GPC5: variants seen among roughly 807,000 people sequenced by gnomAD.
The protein encoded by GPC5 is glypican-5.
In GPC5, 47 loss-of-function variants were observed where a neutral mutation model predicts 53.9. The observed-to-expected ratio is 0.87, with a 90% CI of 0.69 to 1.11. GPC5 has a LOEUF of 1.11. Ranked by LOEUF, GPC5 falls within the 50% of genes most tolerant of loss-of-function variation. GPC5 has a pLI of 0.00. For missense variants in GPC5, 748 were observed against 713.1 expected (o/e 1.05, Z -0.56); for synonymous variants, 286 against 263.3 (o/e 1.09, Z -0.84).
intron 2 of GPC5, among the ~76,000 whole-genome samples, chr13:91,634,941 C>G (rs2034250203): frequency 6.6e-6 from 1 of 152,096 alleles, no homozygotes; most frequent in African/African-American, 2.4e-5. Flanking sequence ...GACTCTTTAA[C>G]TACTTGTTCT....
intron 7 of GPC5, among the ~76,000 whole-genome samples, chr13:92,150,716 A>T (rs1469236321): frequency 6.6e-6 from 1 of 152,024 alleles, no homozygotes; most frequent in Non-Finnish European, 1.5e-5. Context: ...GTGAAGAGGG[A>T]TGACTTATTA....
intron 2 of GPC5, among the ~76,000 whole-genome samples, chr13:91,630,322 G>A (rs1357515271): frequency 1.3e-5 from 2 of 151,916 alleles, no homozygotes; most frequent in African/African-American, 4.8e-5. Context: ...TTGAATATTG[G>A]GTATTAGCTT....
intron 3 of GPC5, among the ~76,000 whole-genome samples, chr13:91,706,871 G>A (rs763556051): frequency 2.2e-4 from 33 of 152,010 alleles, no homozygotes; most frequent in Non-Finnish European, 3.8e-4. Context: ...AGTGAATATC[G>A]AGTAGTTAGG....
At chr13:92,319,463 G>A (rs2043201832) in intron 7 of GPC5, among the ~76,000 whole-genome samples, 1 of 149,466 alleles carries the variant, frequency 6.7e-6, no homozygotes, top group Non-Finnish European at 1.5e-5. Context: ...AATTAAGATG[G>A]AAATGTATTC....
chr13:92,849,905 G>A (rs1878735696), intron 7 of GPC5, among the ~76,000 whole-genome samples: 1 of 152,096 alleles, frequency 6.6e-6, no homozygotes, highest in African/African-American at 2.4e-5. Context: ...ATCTACAGCA[G>A]GGATGCTGAC....
intron 7 of GPC5, among the ~76,000 whole-genome samples, chr13:92,649,279 G>A (rs549956518): frequency 9.9e-5 from 15 of 152,056 alleles, no homozygotes; most frequent in Non-Finnish European, 2.2e-4. Context: ...AGGAAATTCA[G>A]ATAGCTATAG....
At chr13:92,322,540 T>A (rs9516059) in intron 7 of GPC5, among the ~76,000 whole-genome samples, 32,017 of 152,134 alleles carry the variant, frequency 0.21, 4,739 homozygotes, top group African/African-American at 0.42. Flanking sequence ...TGTTATTGCT[T>A]AATGCAGTCT....
At chr13:92,385,515 C>CATGTATGCATAT (rs1874616183) in intron 7 of GPC5, among the ~76,000 whole-genome samples, 2 of 133,300 alleles carry the variant, frequency 1.5e-5, no homozygotes, top group Admixed American at 7.9e-5. Flanking sequence ...TACATATATA[C>CATGTATGCATAT]ATACATATGC....
At position 92,866,277 on chromosome 13, in the gene GPC5, T is replaced by C; in HGVS notation, c.1562-5T>C. On this transcript the variant is annotated splice_region_variant and splice_polypyrimidine_tract_variant and intron_variant, in intron 7 of 7. Transcript: ENST00000377067. ...TCACCTGTGCTTTCTTATTTGCCTCTACAGGGATGCCAGATGATATGAACT... is the reference window on the plus strand; with the variant it reads ...TCACCTGTGCTTTCTTATTTGCCTCCACAGGGATGCCAGATGATATGAACT... 1.2e-6 allele frequency: 2 copies of C among 1,608,508 alleles called. No homozygotes were observed. Among genetic ancestry groups the C allele is most frequent in the Non-Finnish European group, 1.7e-6 (2 of 1,176,594 alleles).
chr13:92,225,405 G>A (rs761731113), intron 7 of GPC5, among the ~76,000 whole-genome samples: 1 of 152,160 alleles, frequency 6.6e-6, no homozygotes, highest in Non-Finnish European at 1.5e-5. Context: ...ACCACATTAA[G>A]TGGTTTTTGA....
At chr13:91,964,585 T>G (rs2040162847) in intron 6 of GPC5, among the ~76,000 whole-genome samples, 2 of 152,274 alleles carry the variant, frequency 1.3e-5, no homozygotes, top group African/African-American at 4.8e-5. Flanking sequence ...CACTGATTGG[T>G]GTGTTTACAA....
At chr13:92,814,710 A>T (rs1877409401) in intron 7 of GPC5, among the ~76,000 whole-genome samples, 1 of 151,784 alleles carries the variant, frequency 6.6e-6, no homozygotes, top group Non-Finnish European at 1.5e-5. Context: ...CTTCATCAAA[A>T]TTAAGAAATT....
chr13:92,799,223 C>T (rs937526676), intron 7 of GPC5, among the ~76,000 whole-genome samples: 2 of 151,592 alleles, frequency 1.3e-5, no homozygotes, highest in Non-Finnish European at 3.0e-5. Context: ...CTCTGAAATG[C>T]CTGTTATCCA....
chr13:91,592,561 AC>A (rs2032840812), intron 2 of GPC5, among the ~76,000 whole-genome samples: 1 of 151,724 alleles, frequency 6.6e-6, no homozygotes, highest in Non-Finnish European at 1.5e-5. Flanking sequence ...TGCGCATCTC[AC>A]CCCCTTCATG....
At chr13:91,637,517 T>A (rs1298918324) in intron 2 of GPC5, among the ~76,000 whole-genome samples, 2 of 152,274 alleles carry the variant, frequency 1.3e-5, no homozygotes, top group East Asian at 1.9e-4. Context: ...AGGAAGTAGG[T>A]ACCAAATGAA....
intron 6 of GPC5, among the ~76,000 whole-genome samples, chr13:91,953,019 A>G (rs1432141840): frequency 6.6e-6 from 1 of 152,196 alleles, no homozygotes; most frequent in Non-Finnish European, 1.5e-5. Context: ...GGTGTCCTGG[A>G]GAGGACAATA....
chr13:91,575,213 G>A (rs189244053), intron 2 of GPC5, among the ~76,000 whole-genome samples: 20 of 152,176 alleles, frequency 1.3e-4, no homozygotes, highest in Admixed American at 1.0e-3. Flanking sequence ...TTGTTGTTGA[G>A]TGTTCAAATA....
chr13:91,621,719 T>C (rs1230101054), intron 2 of GPC5, among the ~76,000 whole-genome samples: 2 of 144,420 alleles, frequency 1.4e-5, no homozygotes, highest in Non-Finnish European at 3.0e-5. Context: ...GAATTGTATC[T>C]AATAATATGT....
chr13:92,708,857 C>CTTTTTTTTTTTTTTTTT lies in GPC5; in HGVS notation c.1562-157398_1562-157382dup, dbSNP rs752130758. Among the ~76,000 whole-genome samples, 28 of 48,140 alleles carry CTTTTTTTTTTTTTTTTT rather than the reference C, an allele frequency of 5.8e-4. 11 individuals are homozygous for CTTTTTTTTTTTTTTTTT. Among genetic ancestry groups the CTTTTTTTTTTTTTTTTT allele is most frequent in the Non-Finnish European group, 9.9e-4 (24 of 24,284 alleles). The allele number at this position is 48,140 out of a possible 152,430, so 31.6% of individuals were successfully genotyped here. A position where few individuals can be genotyped will look rare whatever the true frequency, so the allele number is the denominator to read the frequency against. ...CTAGCAGCATCTAGCTGGAAACCGC[C>CTTTTTTTTTTTTTTTTT]TTTTTTTTTTTTTTTTTTTTTTTTT... On this transcript the variant is annotated intron_variant, in intron 7 of 7. Transcript: ENST00000377067.
Sources: allele counts gnomAD v4.1 joint callset (sites outside exome capture counted in the v4.1 genomes callset), GRCh38; gene constraint gnomAD v4.1.1; transcripts MANE v1.5; gene names NCBI Gene and HGNC (gene_info 2026-07-23, HGNC 2026-07-21).